Variants in KANSL1 observed in about 807,000 individuals in gnomAD.
KANSL1 encodes KAT8 regulatory NSL complex subunit 1, also known as MLL1/MLL complex subunit KANSL1.
KANSL1 carries 22 observed loss-of-function variants against 103.6 expected under a neutral mutation model. The ratio of observed to expected loss-of-function variants is 0.21; its 90% CI spans 0.15 to 0.30. The LOEUF is 0.30. Among genes scored for constraint, KANSL1 ranks in the 10% least tolerant of loss-of-function variants. The probability of loss-of-function intolerance (pLI) is 1.00; values close to 1 mark genes in which losing one functional copy is unlikely to be tolerated. For synonymous variants in KANSL1, 600 were observed against 527.6 expected (o/e 1.14, Z -1.88); for missense variants, 1,337 against 1,399.8 (o/e 0.96, Z 0.72).
intron 1 of KANSL1, among the ~76,000 whole-genome samples, chr17:46,185,343 C>G (rs1017387664): frequency 1.3e-5 from 2 of 152,192 alleles, no homozygotes; most frequent in Non-Finnish European, 2.9e-5. Flanking sequence ...CTAGGATAGG[C>G]TTCACCCACT....
intron 2 of KANSL1, among the ~76,000 whole-genome samples, chr17:46,115,370 G>GA (rs2042998156): frequency 6.6e-6 from 1 of 151,984 alleles, no homozygotes; most frequent in African/African-American, 2.4e-5. Context: ...TGTAAAGCAA[G>GA]AATTTTTAAA....
intron 1 of KANSL1, among the ~76,000 whole-genome samples, chr17:46,190,755 G>A (rs1004045435): frequency 6.6e-6 from 1 of 152,244 alleles, no homozygotes; most frequent in Non-Finnish European, 1.5e-5. Context: ...CACCAAATAT[G>A]CTAAAGGTCG....
chr17:46,189,906 C>CAAAAAAAAAAAAAAAA (rs55934305), intron 1 of KANSL1, among the ~76,000 whole-genome samples: 11 of 112,472 alleles, frequency 9.8e-5, no homozygotes, highest in African/African-American at 3.3e-4. Context: ...GACCCTGCCT[C>CAAAAAAAAAAAAAAAA]AAAAAAAAAA....
At chr17:46,075,089 TCA>T (rs2078711479) in intron 4 of KANSL1, among the ~76,000 whole-genome samples, 2 of 152,110 alleles carry the variant, frequency 1.3e-5, no homozygotes, top group African/African-American at 4.8e-5. Flanking sequence ...CTGAGAACTC[TCA>T]CATATTGAAG....
At chr17:46,170,576 A>G in intron 2 of KANSL1, 1 of 461,832 alleles carries the variant, frequency 2.2e-6, no homozygotes. Flanking sequence ...AAGAGGTACT[A>G]GTACAATTTT....
intron 2 of KANSL1, among the ~76,000 whole-genome samples, chr17:46,136,689 A>G (rs1439927140): frequency 3.3e-5 from 5 of 152,206 alleles, no homozygotes; most frequent in African/African-American, 1.2e-4. Context: ...TCAGGAAAAA[A>G]CAAAAAGGGA....
At chr17:46,170,790 G>A (rs1284573247) in intron 2 of KANSL1, 65 bp downstream of exon 2, 78 of 1,459,088 alleles carry the variant, frequency 5.3e-5, no homozygotes, top group South Asian at 2.5e-4. Context: ...CCATAATGGC[G>A]ATTCATTCAT....
At chr17:46,121,596 T>TA (rs111891516) in intron 2 of KANSL1, among the ~76,000 whole-genome samples, 21,532 of 151,898 alleles carry the variant, frequency 0.14, 2,099 homozygotes, top group Non-Finnish European at 0.21. Flanking sequence ...TTATCCCTCT[T>TA]ACCTGCTTTA....
intron 1 of KANSL1, among the ~76,000 whole-genome samples, chr17:46,176,177 G>C (rs2046510525): frequency 6.6e-6 from 1 of 152,170 alleles, no homozygotes; most frequent in South Asian, 2.1e-4. Flanking sequence ...GCAAGGGCAG[G>C]AAACAGCTTC....
Position 46,059,647 on chromosome 17 carries a change from A to AAGAG in KANSL1, c.1848+6886_1848+6889dup, listed in dbSNP as rs56065215. Among the ~76,000 whole-genome samples the AAGAG allele has an allele frequency of 4.2e-3, 232 of 54,854 alleles. 2 individuals carry two copies. Among genetic ancestry groups the AAGAG allele is most frequent in the South Asian group, 0.015 (11 of 742 alleles). The allele number at this position is 54,854 out of a possible 152,430, so 36.0% of individuals were successfully genotyped here. ...TGACTCCAAAAAAAAAAAAAAAAAA[A>AAGAG]AGAGAGAGAGAGAGAGAGAAAAGGA... On this transcript the variant is annotated intron_variant, in intron 6 of 14. Transcript: ENST00000432791.
At position 46,082,500 on chromosome 17, in the gene KANSL1, T is replaced by C. The variant is rs1321666253; in HGVS notation, c.1474A>G (p.Thr492Ala). 1.2e-6 allele frequency: 2 copies of C among 1,612,546 alleles called. No individual in the cohort carries two copies. The highest frequency in any genetic ancestry group is 1.7e-6 in the Non-Finnish European group (2 of 1,178,916). ...LGEVPPPEHT[T>A]DLFLPLSSEV... ...GAACTAAGTGGAAGAAATAAGTCTG[T>C]TGTATGCTCTGGGGGAGGTACCTCC... The change falls in exon 4 of 15, where the codon ACA becomes GCA. Residue 492 changes from threonine to alanine, a missense_variant. Coordinates refer to ENST00000432791, the MANE Select transcript of KANSL1 (RefSeq NM_015443.4).
intron 2 of KANSL1, among the ~76,000 whole-genome samples, chr17:46,135,542 A>ATTTTTTT (rs34258265): frequency 1.2e-3 from 141 of 119,018 alleles, no homozygotes; most frequent in Admixed American, 5.4e-3. Context: ...TCAACTATAC[A>ATTTTTTT]TTTTTTTTTT....
chr17:46,194,588 G>C (rs1238419448), upstream of KANSL1, among the ~76,000 whole-genome samples: 2 of 152,202 alleles, frequency 1.3e-5, no homozygotes, highest in Non-Finnish European at 2.9e-5. Flanking sequence ...AAAGATGAGT[G>C]GAGTATCTTG....
intron 10 of KANSL1, among the ~76,000 whole-genome samples, chr17:46,036,679 T>C (rs2146342865): frequency 6.6e-6 from 1 of 152,196 alleles, no homozygotes; most frequent in Middle Eastern, 3.4e-3. Flanking sequence ...CCACTGCAGA[T>C]ACTGCAGATA....
At chr17:46,208,882 T>C (rs2048066514) in intron 1 of KANSL1, among the ~76,000 whole-genome samples, 1 of 145,928 alleles carries the variant, frequency 6.9e-6, no homozygotes, top group South Asian at 2.1e-4. Context: ...TACAACAAAA[T>C]GATGCAGCCC....
chr17:46,033,109 CGTG>C lies in KANSL1; in HGVS notation c.2805_2807del (p.Thr936del), dbSNP rs752987969. 1.0e-5 allele frequency: 16 copies of C among 1,598,096 alleles called. No individual in the cohort carries two copies. The highest frequency in any genetic ancestry group is 1.3e-5 in the Non-Finnish European group (15 of 1,171,944). On this transcript the variant is annotated inframe_deletion, in exon 13 of 15. Coordinates refer to ENST00000432791, the MANE Select transcript of KANSL1 (RefSeq NM_015443.4). ...TGCCCCGCCGCTGGGGTGGCACACT[CGTG>C]GTCCACAGCCACCGTGCCCTCTCCA...
chr17:46,151,272 C>T (rs1316346239), intron 2 of KANSL1, among the ~76,000 whole-genome samples: 1 of 152,226 alleles, frequency 6.6e-6, no homozygotes, highest in Non-Finnish European at 1.5e-5. Context: ...TCCTGCCACC[C>T]CGGGCTTACT....
chr17:46,167,370 G>T (rs896577381), intron 2 of KANSL1, among the ~76,000 whole-genome samples: 1 of 152,178 alleles, frequency 6.6e-6, no homozygotes, highest in Non-Finnish European at 1.5e-5. Flanking sequence ...ATAATTAAAT[G>T]CTTTTATTTC....
intron 2 of KANSL1, among the ~76,000 whole-genome samples, chr17:46,117,068 T>C (rs920752758): frequency 1.3e-5 from 2 of 152,250 alleles, no homozygotes; most frequent in African/African-American, 2.4e-5. Flanking sequence ...CTTCTCCCAA[T>C]GAGAGGCAGA....
Sources: allele counts gnomAD v4.1 joint callset (sites outside exome capture counted in the v4.1 genomes callset), GRCh38; gene constraint gnomAD v4.1.1; transcripts MANE v1.5; gene names NCBI Gene and HGNC (gene_info 2026-07-23, HGNC 2026-07-21).